The following LGI3 variants were observed in gnomAD, a reference collection of about 807,000 sequenced individuals.
The protein encoded by LGI3 is leucine-rich repeat LGI family member 3.
Under a neutral mutation model 55.4 loss-of-function variants are expected in LGI3, and 47 were observed. That is an observed-to-expected ratio of 0.85 (90% confidence interval 0.67 to 1.08). The LOEUF is 1.08. Ranked by LOEUF, LGI3 falls within the 50% of genes least tolerant of loss-of-function variation. The probability of loss-of-function intolerance (pLI) is 0.00; values close to 1 mark genes in which losing one functional copy is unlikely to be tolerated. For missense variants in LGI3, 664 were observed against 726.3 expected (o/e 0.91, Z 0.99); for synonymous variants, 326 against 315.0 (o/e 1.04, Z -0.37).
Position 22,156,455 on chromosome 8 carries a change from C to G in LGI3, c.88G>C (p.Ala30Pro), listed in dbSNP as rs955591639. The G allele has an allele frequency of 1.3e-6, 2 of 1,539,878 alleles. No homozygotes were observed. Among genetic ancestry groups the G allele is most frequent in the African/African-American group, 2.8e-5 (2 of 71,438 alleles). ...GGGGGCGTCTTGGGGGGCCTCTTAG[C>G]GCTGACTTGCAGCATGAGGCAGAAG... ...LGFCLMLQVS[A>P]KRPPKTPPCP... Residue 30 changes from alanine (A) to proline (P), a missense_variant, in exon 1 of 8, where the codon GCT (alanine) becomes CCT (proline). Physicochemically the swap from Ala to Pro is conservative, Grantham distance 27 (BLOSUM62 -1). Coordinates refer to ENST00000306317, the MANE Select transcript of LGI3 (RefSeq NM_139278.4).
At chr8:22,156,200 C>T in intron 1 of LGI3, 137 bp downstream of exon 1, 3 of 917,350 alleles carry the variant, frequency 3.3e-6, no homozygotes, top group Non-Finnish European at 5.0e-6. Context: ...CCTGGAATCT[C>T]CAGCCCTGAG....
Position 22,156,520 on chromosome 8 carries a change from C to G in LGI3, c.23G>C (p.Gly8Ala), listed in dbSNP as rs773702971. ...CGCCAGCAGCCCCGGCCCCGGGCCCCCCCTGGCCCGCAGCCCCGCCATGCT... is the reference window on the plus strand; with the variant it reads ...CGCCAGCAGCCCCGGCCCCGGGCCCGCCCTGGCCCGCAGCCCCGCCATGCT... Reference protein sequence around the residue: MAGLRARGGPGPGLLALS... With the variant: MAGLRARAGPGPGLLALS... The change falls in exon 1 of 8, where the codon GGG (glycine) becomes GCG (alanine). Residue 8 changes from glycine (G) to alanine (A), a missense_variant. Coordinates refer to ENST00000306317, the MANE Select transcript of LGI3 (RefSeq NM_139278.4). 6 of 1,363,026 alleles carry G rather than the reference C, an allele frequency of 4.4e-6. No homozygotes were observed. The South Asian group carries it at 5.3e-5, about 12-fold the overall frequency. The allele number at this position is 1,363,026 out of a possible 1,614,324, so 84.4% of individuals were successfully genotyped here. A position where few individuals can be genotyped will look rare whatever the true frequency, so the allele number is the denominator to read the frequency against.
chr8:22,155,096 C>T (rs896919305), intron 2 of LGI3: 6 of 481,788 alleles, frequency 1.2e-5, no homozygotes, highest in African/African-American at 1.2e-4. Flanking sequence ...ACCTTGGGCA[C>T]TAGCCCAGGC....
intron 5 of LGI3, among the ~76,000 whole-genome samples, chr8:22,153,194 C>CCT (rs1275010266): frequency 6.6e-6 from 1 of 150,708 alleles, no homozygotes; most frequent in African/African-American, 2.4e-5. Context: ...AAGTGATTCT[C>CCT]CTGCCTCAAC....
Position 22,147,361 on chromosome 8 carries a change from A to T in LGI3, c.*799T>A, listed in dbSNP as rs115878696. On this transcript the variant is annotated 3_prime_UTR_variant, in exon 8 of 8. Transcript: ENST00000306317. ...GAGAACAGAGACAGACACCCCTGGC[A>T]GCTCCCCGGGATTGCTTCTGCTGCT... 2,357 of 152,396 alleles carry T rather than the reference A, an allele frequency of 0.015. 53 individuals carry two copies. Among genetic ancestry groups the T allele is most frequent in the African/African-American group, 0.052 (2,175 of 41,554 alleles). 9.4% of individuals were successfully genotyped at this position (152,396 alleles called of 1,614,324 possible). A position where few individuals can be genotyped will look rare whatever the true frequency, so the allele number is the denominator to read the frequency against.
At position 22,148,157 on chromosome 8, in the gene LGI3, C is replaced by A. The variant is rs747466674; in HGVS notation, c.*3G>T. ...CTGAGGAGACCAGAGGCCTCGGCACCCCCTAGGCACTGAGATCCACCACAA... is the reference window on the plus strand; with the variant it reads ...CTGAGGAGACCAGAGGCCTCGGCACACCCTAGGCACTGAGATCCACCACAA... On this transcript the variant is annotated 3_prime_UTR_variant, in exon 8 of 8. Coordinates refer to ENST00000306317, the MANE Select transcript of LGI3 (RefSeq NM_139278.4). This position sits in a 1 kb window ranked among gnomAD's most constrained non-coding sequence, Gnocchi z 7.0. The A allele has an allele frequency of 1.3e-6, 2 of 1,584,002 alleles. No homozygotes were observed. Among genetic ancestry groups the A allele is most frequent in the Non-Finnish European group, 8.6e-7 (1 of 1,165,894 alleles).
chr8:22,150,721 C>T (rs915668813), intron 7 of LGI3, among the ~76,000 whole-genome samples: 5 of 152,032 alleles, frequency 3.3e-5, no homozygotes, highest in African/African-American at 1.2e-4. Flanking sequence ...GTCCAGGCTC[C>T]AGCACCCCTC....
Position 22,147,903 on chromosome 8 carries a change from G to A in LGI3, c.*257C>T. ...AGCATGGGAAAGGCTGCAGAGTAGG[G>A]GGGGCCTGCAGTTGGGGTCACGGGA... On this transcript the variant is annotated 3_prime_UTR_variant, in exon 8 of 8. Transcript: ENST00000306317. 1.4e-5 allele frequency: 7 copies of A among 487,252 alleles called. No individual in the cohort carries two copies. The South Asian group carries it at 1.9e-4, about 13-fold the overall frequency. 30.2% of individuals were successfully genotyped at this position (487,252 alleles called of 1,614,324 possible).
At position 22,156,455 on chromosome 8, in the gene LGI3, C is replaced by T; in HGVS notation, c.88G>A (p.Ala30Thr). 2 of 1,539,996 alleles carry T rather than the reference C, an allele frequency of 1.3e-6. No homozygotes were observed. Among genetic ancestry groups the T allele is most frequent in the Non-Finnish European group, 1.7e-6 (2 of 1,146,662 alleles). Residue 30 changes from alanine (A) to threonine (T), a missense_variant, in exon 1 of 8, where the codon GCT becomes ACT. Transcript: ENST00000306317. ...LGFCLMLQVS[A>T]KRPPKTPPCP... ...GGGGGCGTCTTGGGGGGCCTCTTAG[C>T]GCTGACTTGCAGCATGAGGCAGAAG...
intron 5 of LGI3, among the ~76,000 whole-genome samples, chr8:22,152,926 T>A (rs1040672795): frequency 1.1e-4 from 17 of 150,360 alleles, no homozygotes; most frequent in African/African-American, 4.1e-4. Context: ...GGTGCATGCC[T>A]GTAATCCCAG....
chr8:22,154,088 G>C (rs931007552), intron 4 of LGI3, 49 bp from the exon 5 acceptor site: 2 of 1,612,648 alleles, frequency 1.2e-6, no homozygotes, highest in African/African-American at 2.7e-5. Flanking sequence ...CAAGGCCAAA[G>C]GCCACAGGAG....
intron 5 of LGI3, 148 bp from the exon 6 acceptor site, chr8:22,152,148 T>C: frequency 1.6e-6 from 1 of 624,296 alleles, no homozygotes; most frequent in South Asian, 2.2e-5. Flanking sequence ...AGAGAAAAGT[T>C]TCCCTCTGGC....
intron 5 of LGI3, among the ~76,000 whole-genome samples, 174 bp downstream of exon 5, chr8:22,153,794 T>A (rs1014992554): frequency 5.9e-5 from 9 of 151,694 alleles, no homozygotes; most frequent in African/African-American, 2.2e-4. Context: ...AACTCCAATT[T>A]GGAAGGCTAC....
intron 5 of LGI3, among the ~76,000 whole-genome samples, chr8:22,153,480 A>C (rs2131796133): frequency 6.6e-6 from 1 of 151,800 alleles, no homozygotes; most frequent in Middle Eastern, 3.4e-3. Context: ...AAGTTGGCAG[A>C]TCACAAGGTT....
intron 3 of LGI3, 41 bp downstream of exon 3, chr8:22,154,519 C>T (rs1338621640): frequency 6.3e-7 from 1 of 1,581,242 alleles, no homozygotes; most frequent in Non-Finnish European, 8.7e-7. Flanking sequence ...TGGGGTCCCC[C>T]TCCCTTCTGC....
At chr8:22,152,928 T>G (rs1827398676) in intron 5 of LGI3, among the ~76,000 whole-genome samples, 1 of 147,384 alleles carries the variant, frequency 6.8e-6, no homozygotes, top group South Asian at 2.2e-4. Flanking sequence ...TGCATGCCTG[T>G]AATCCCAGCT....
rs752745947 is a variant in LGI3, at chr8:22,148,887, T to C, written c.920A>G (p.His307Arg). 1.9e-6 allele frequency: 3 copies of C among 1,613,922 alleles called. No individual in the cohort carries two copies. Among genetic ancestry groups the C allele is most frequent in the Admixed American group, 3.3e-5 (2 of 59,980 alleles). The change falls in exon 8 of 8, where the codon CAC (histidine) becomes CGC (arginine). Residue 307 changes from histidine (H) to arginine (R), a missense_variant. Transcript: ENST00000306317. This position sits in a 1 kb window ranked among gnomAD's most constrained non-coding sequence, Gnocchi z 7.0. ...GAAGCGCGTGGTGTTGGGATCCCAG[T>C]GGTAAATGTAAGAGCCGCCAAACAG... ...AQLFGGSYIY[H>R]WDPNTTRFTR...
chr8:22,147,655 G>T lies in LGI3; in HGVS notation c.*505C>A. 6.1e-6 allele frequency: 1 copy of T among 164,130 alleles called. No homozygotes were observed. The highest frequency in any genetic ancestry group is 1.6e-4 in the South Asian group (1 of 6,280). The allele number at this position is 164,130 out of a possible 1,614,324, so 10.2% of individuals were successfully genotyped here. A position where few individuals can be genotyped will look rare whatever the true frequency, so the allele number is the denominator to read the frequency against. ...GAGTGTGTAATGAGTGTGTCCGTCC[G>T]CGTCCATGTGAGCATGCAGACGGGG... On this transcript the variant is annotated 3_prime_UTR_variant, in exon 8 of 8. Coordinates refer to ENST00000306317, the MANE Select transcript of LGI3 (RefSeq NM_139278.4).
At chr8:22,156,274 T>A in intron 1 of LGI3, 63 bp downstream of exon 1, 1 of 1,562,346 alleles carries the variant, frequency 6.4e-7, no homozygotes, top group Non-Finnish European at 8.7e-7. Context: ...TCCTGTCCTC[T>A]CCCAGAGCTG....
Sources: allele counts gnomAD v4.1 joint callset (sites outside exome capture counted in the v4.1 genomes callset), GRCh38; gene constraint gnomAD v4.1.1; non-coding constraint Gnocchi (gnomAD v3.1); transcripts MANE v1.5; gene names NCBI Gene and HGNC (gene_info 2026-07-23, HGNC 2026-07-21).